SLC29A1: variants seen among roughly 807,000 people sequenced by gnomAD.
SLC29A1 encodes solute carrier family 29 member 1 (Augustine blood group), also known as equilibrative nucleoside transporter 1.
In SLC29A1, 22 loss-of-function variants were observed where a neutral mutation model predicts 48.3. The ratio of observed to expected loss-of-function variants is 0.46; its 90% CI spans 0.33 to 0.65. SLC29A1 has a LOEUF of 0.65. SLC29A1 is among the 30% of genes least tolerant of loss of function. SLC29A1 has a pLI of 0.03. For synonymous variants in SLC29A1, 228 were observed against 231.0 expected (o/e 0.99, Z 0.12); for missense variants, 491 against 575.3 (o/e 0.85, Z 1.50).
rs1778248806 is a variant in SLC29A1 at position 44,229,144 on chromosome 6, T to C, written c.30-246T>C. On this transcript the variant is annotated intron_variant, in intron 2 of 12. Transcript: ENST00000371755. This position sits in a 1 kb window ranked among gnomAD's most constrained non-coding sequence, Gnocchi z 5.1. ...CCGAGCCTTCCAGGGCTGATAACCA[T>C]GGTCCTGTCAGCCATGCCATTCAGT... Among the ~76,000 whole-genome samples the C allele has an allele frequency of 6.6e-6, 1 of 152,178 alleles. No individual in the cohort carries two copies.
At chr6:44,221,073 G>A (rs373404964), upstream of SLC29A1, among the ~76,000 whole-genome samples, 63 of 151,818 alleles carry the variant, frequency 4.1e-4, no homozygotes, top group Non-Finnish European at 8.4e-4. This position sits in a 1 kb window ranked among gnomAD's most constrained non-coding sequence, Gnocchi z 4.2. Context: ...TTGTAGAGAT[G>A]GGGTCTCACT....
At chr6:44,224,031 CGCGAGCGGAGGTGCAGGCT>C (rs1776903489) in intron 1 of SLC29A1, 3 of 39,124 alleles carry the variant, frequency 7.7e-5, no homozygotes, top group Non-Finnish European at 8.9e-5. Context: ...GATGGAGGCT[CGCGAGCGGAGGTGCAGGCT>C]CGCGAGCGGA....
chr6:44,231,402 T>A lies in SLC29A1; in HGVS notation c.805T>A (p.Ser269Thr), dbSNP rs781697656. ...AGCAGGCAAAGAGGAATCTGGAGTT[T>A]CAGTCTCCAACTCTCAGCCCACCAA... ...PRAGKEESGV[S>T]VSNSQPTNES... Residue 269 changes from serine to threonine, a missense_variant, in exon 9 of 13, where the codon TCA (serine) becomes ACA (threonine). Ser to Thr is a moderately conservative substitution (Grantham distance 58). Transcript: ENST00000371755. 3.7e-6 allele frequency: 6 copies of A among 1,605,800 alleles called. No homozygotes were observed. The African/African-American group carries it at 4.0e-5, about 11-fold the overall frequency.
chr6:44,230,144 C>T (rs531774481), intron 5 of SLC29A1, 98 bp downstream of exon 5: 50 of 1,540,410 alleles, frequency 3.2e-5, no homozygotes, highest in Admixed American at 3.2e-4. Flanking sequence ...GCCCAGCCTC[C>T]GCCTGGAGGG....
intron 1 of SLC29A1, chr6:44,226,915 T>C: frequency 9.3e-7 from 1 of 1,071,714 alleles, no homozygotes; most frequent in Non-Finnish European, 1.1e-6. Context: ...TTGACTGTCT[T>C]TCCCTCCCTC....
Position 44,223,642 on chromosome 6 carries a change from GTGC to G in SLC29A1, c.-52+5_-52+7del. The G allele has an allele frequency of 8.3e-7, 1 of 1,206,254 alleles. No homozygotes were observed. The highest frequency in any genetic ancestry group is 1.1e-6 in the Non-Finnish European group (1 of 946,894). The allele number at this position is 1,206,254 out of a possible 1,614,324, so 74.7% of individuals were successfully genotyped here. On this transcript the variant is annotated splice_donor_variant and splice_donor_region_variant and intron_variant, in intron 1 of 12. Transcript: ENST00000371755. LOFTEE classifies it low-confidence loss of function (5UTR_SPLICE). The surrounding 1 kb of genome is among the most constrained non-coding windows in gnomAD (Gnocchi z 5.0). ...CGCGGGAGCAGTGCTTCTGCGGCAG[GTGC>G]TGCCCGGGGCCGGGGACTGGGGACT...
chr6:44,228,419 G>C (rs548049817), intron 2 of SLC29A1, among the ~76,000 whole-genome samples: 1 of 152,350 alleles, frequency 6.6e-6, no homozygotes, highest in Admixed American at 6.5e-5. Context: ...AGGGGGTTGG[G>C]GGGGCTGCAG....
Position 44,227,061 on chromosome 6 carries a change from G to A in SLC29A1, c.-51-202G>A, listed in dbSNP as rs534855854. The stretch of plus-strand genomic sequence containing the variant: ...CCAGGTAGAGTCTGAGCAGGCAGGG[G>A]GGCCGCGCAGGACTGGCCTGCTGGG... On this transcript the variant is annotated intron_variant, in intron 1 of 12. Transcript: ENST00000371755. 87 of 1,370,872 alleles carry A rather than the reference G, an allele frequency of 6.3e-5. No homozygotes were observed. The East Asian group carries it at 1.5e-3, about 23-fold the overall frequency. The allele number at this position is 1,370,872 out of a possible 1,614,324, so 84.9% of individuals were successfully genotyped here.
chr6:44,232,773 C>T lies in SLC29A1; in HGVS notation c.1060-34C>T, dbSNP rs745781883. ...GGGGCCTGGCTGTGCCCTGGGGTGG[C>T]GGCCTGGGCTGAGGCCCTGCCTGGT... On this transcript the variant is annotated intron_variant, in intron 11 of 12. Transcript: ENST00000371755. This position sits in a 1 kb window ranked among gnomAD's most constrained non-coding sequence, Gnocchi z 4.7. 24 of 1,595,162 alleles carry T rather than the reference C, an allele frequency of 1.5e-5. 1 individual carries two copies. The highest frequency in any genetic ancestry group is 8.8e-5 in the South Asian group (8 of 90,582).
At position 44,230,182 on chromosome 6, in the gene SLC29A1, A is replaced by G; in HGVS notation, c.454+136A>G. The G allele has an allele frequency of 4.7e-6, 7 of 1,477,502 alleles. No homozygotes were observed. The South Asian group carries it at 8.1e-5, about 17-fold the overall frequency. The allele number at this position is 1,477,502 out of a possible 1,614,324, so 91.5% of individuals were successfully genotyped here. Reference sequence around the variant, plus strand: ...TGGATGCTGTGAGCAGCTGGGATTCAGAGGCCTGAGTGGGCCTGGACCAGG... The same window carrying G: ...TGGATGCTGTGAGCAGCTGGGATTCGGAGGCCTGAGTGGGCCTGGACCAGG... On this transcript the variant is annotated intron_variant, in intron 5 of 12. Coordinates refer to ENST00000371755, the MANE Select transcript of SLC29A1 (RefSeq NM_001372327.1).
rs1460727278 is a variant in SLC29A1 at position 44,230,804 on chromosome 6, T to C, written c.688-7T>C. The C allele has an allele frequency of 6.2e-7, 1 of 1,613,318 alleles. No homozygotes were observed. Among genetic ancestry groups the C allele is most frequent in the African/African-American group, 1.3e-5 (1 of 74,978 alleles). On this transcript the variant is annotated splice_region_variant and splice_polypyrimidine_tract_variant and intron_variant, in intron 7 of 12. Coordinates refer to ENST00000371755, the MANE Select transcript of SLC29A1 (RefSeq NM_001372327.1). ...AATCCACCTCCCCCGTCTCCCTTAC[T>C]TGATAGGAATTCTACCGCTACTACC...
intron 1 of SLC29A1, among the ~76,000 whole-genome samples, chr6:44,225,363 G>A (rs1239687551): frequency 6.6e-6 from 1 of 151,972 alleles, no homozygotes; most frequent in South Asian, 2.1e-4. Flanking sequence ...GAAATCAGCC[G>A]GGGGTGGTGG....
At chr6:44,226,691 G>C (rs1777601475) in intron 1 of SLC29A1, 1 of 971,452 alleles carries the variant, frequency 1.0e-6, no homozygotes, top group Non-Finnish European at 1.2e-6. Context: ...GGGCTCCCCA[G>C]GGAGGGTGGA....
chr6:44,230,694 G>C, intron 7 of SLC29A1, 29 bp downstream of exon 7: 1 of 1,481,852 alleles, frequency 6.7e-7, no homozygotes, highest in Non-Finnish European at 9.4e-7. Context: ...CTGGGGTTTG[G>C]GGTATAGGGG....
At position 44,230,685 on chromosome 6, in the gene SLC29A1, T is replaced by TG. The variant is rs1778631403; in HGVS notation, c.687+24dup. On this transcript the variant is annotated intron_variant, in intron 7 of 12. Transcript: ENST00000371755. ...CGCCTGGTGAGTAAATGGAGGGAGC[T>TG]GGGGTTTGGGGTATAGGGGTCTGGG... The TG allele has an allele frequency of 1.8e-6, 1 of 540,720 alleles. No homozygotes were observed. 33.5% of individuals were successfully genotyped at this position (540,720 alleles called of 1,614,324 possible).
intron 2 of SLC29A1, 58 bp downstream of exon 2, chr6:44,227,400 G>A (rs1483251602): frequency 5.4e-6 from 8 of 1,480,126 alleles, no homozygotes; most frequent in Admixed American, 1.7e-5. Flanking sequence ...GGAGCTGGGT[G>A]TGGTGTCCTT....
Position 44,227,436 on chromosome 6 carries a change from C to T in SLC29A1, c.29+94C>T. On this transcript the variant is annotated intron_variant, in intron 2 of 12. Coordinates refer to ENST00000371755, the MANE Select transcript of SLC29A1 (RefSeq NM_001372327.1). ...TGGAATTGGGGGTTGCCATTGCTGG[C>T]TGGCCTTCCAGCCAGGTAGCTATGA... 2 of 1,142,852 alleles carry T rather than the reference C, an allele frequency of 1.8e-6. 1 individual carries two copies. The highest frequency in any genetic ancestry group is 2.6e-6 in the Non-Finnish European group (2 of 771,564). 70.8% of individuals were successfully genotyped at this position (1,142,852 alleles called of 1,614,324 possible).
rs1387678504 is a variant in SLC29A1, at chr6:44,230,004, C to A, written c.412C>A (p.Pro138Thr). ...ILVKVQLDAL[P>T]FFVITMIKIV... Reference sequence around the variant, plus strand: ...GGTGAAGGTGCAGCTGGATGCTCTGCCCTTCTTTGTCATCACCATGATCAA... The same window carrying A: ...GGTGAAGGTGCAGCTGGATGCTCTGACCTTCTTTGTCATCACCATGATCAA... Residue 138 changes from proline to threonine, a missense_variant, in exon 5 of 13, where the codon CCC (proline) becomes ACC (threonine). Coordinates refer to ENST00000371755, the MANE Select transcript of SLC29A1 (RefSeq NM_001372327.1). 2 of 1,611,464 alleles carry A rather than the reference C, an allele frequency of 1.2e-6. No individual in the cohort carries two copies.
At chr6:44,221,749 GGT>G, upstream of SLC29A1, 1 of 803,960 alleles carries the variant, frequency 1.2e-6, no homozygotes, top group South Asian at 1.4e-5. This position sits in a 1 kb window ranked among gnomAD's most constrained non-coding sequence, Gnocchi z 4.2. Context: ...CTGCTTGGGA[GGT>G]GGCTACAGAG....
Sources: gnomAD v4.1 joint callset for allele counts (sites outside exome capture counted in the v4.1 genomes callset) on GRCh38, gnomAD v4.1.1 for gene constraint, Gnocchi (gnomAD v3.1) non-coding constraint, MANE v1.5 for transcripts, NCBI Gene and HGNC (gene_info 2026-07-23, HGNC 2026-07-21) for gene names.